MFSD8: variants seen among roughly 807,000 people sequenced by gnomAD.
MFSD8 encodes major facilitator superfamily domain containing 8, also known as major facilitator superfamily domain-containing protein 8.
MFSD8 carries 55 observed loss-of-function variants against 66.4 expected under a neutral mutation model. The observed-to-expected ratio is 0.83, with a 90% CI of 0.67 to 1.04. The LOEUF is 1.04. MFSD8 is among the 50% of genes least tolerant of loss of function. The pLI is 0.00. For missense variants in MFSD8, 550 were observed against 627.6 expected, an observed-to-expected ratio of 0.88 and a Z score of 1.32; for synonymous variants, 202 against 212.8, an observed-to-expected ratio of 0.95 and a Z score of 0.44.
At chr4:127,933,234 A>T in intron 7 of MFSD8, 141 bp from the exon 8 acceptor site, 2 of 653,354 alleles carry the variant, frequency 3.1e-6, no homozygotes, top group Non-Finnish European at 5.3e-6. Context: ...TAGTTTAATA[A>T]TAAGAGAATT....
chr4:127,940,572 C>T (rs1318861196), intron 5 of MFSD8, among the ~76,000 whole-genome samples: 1 of 143,368 alleles, frequency 7.0e-6, no homozygotes, highest in Non-Finnish European at 1.5e-5. Flanking sequence ...TATCATTTGA[C>T]CATAGTATTA....
chr4:127,952,741 G>A lies in MFSD8; in HGVS notation c.155-2894C>T, dbSNP rs146282745. 8.3e-4 allele frequency among the ~76,000 whole-genome samples: 125 copies of A among 151,394 alleles called. No homozygotes were observed. In the Middle Eastern group the frequency reaches 0.01, roughly 13 times the overall value. Reference sequence around the variant, plus strand: ...AAAAATTAGCTGGGCGTGGTGGCAGGCACCTGTAGTCTCATCTATTCAGGA... The same window carrying A: ...AAAAATTAGCTGGGCGTGGTGGCAGACACCTGTAGTCTCATCTATTCAGGA... On this transcript the variant is annotated intron_variant, in intron 2 of 11. Transcript: ENST00000641686.
chr4:127,924,656 C>G (rs1736896459), intron 9 of MFSD8, among the ~76,000 whole-genome samples: 2 of 152,108 alleles, frequency 1.3e-5, no homozygotes, highest in South Asian at 4.1e-4. Flanking sequence ...GTGAAAATGG[C>G]CATACTGTCC....
At chr4:127,925,115 A>T (rs1736975796) in intron 9 of MFSD8, among the ~76,000 whole-genome samples, 1 of 152,150 alleles carries the variant, frequency 6.6e-6, no homozygotes, top group Non-Finnish European at 1.5e-5. Context: ...AGACTTAAAC[A>T]TAGGACCTAA....
chr4:127,960,527 A>G (rs1437837614), intron 1 of MFSD8, among the ~76,000 whole-genome samples: 1 of 151,588 alleles, frequency 6.6e-6, no homozygotes, highest in Non-Finnish European at 1.5e-5. Flanking sequence ...GTCTGTCTCA[A>G]AAAAATAAAT....
chr4:127,930,791 A>G lies in MFSD8; in HGVS notation c.890T>C (p.Met297Thr), dbSNP rs1560732655. Reference protein sequence around the residue: ...ETIITPLTMDMYAWTQEQAVL... With the variant: ...ETIITPLTMDTYAWTQEQAVL... Reference sequence around the variant, plus strand: ...AGCTTGTTCTTGAGTCCAGGCATACATATCCATTGTTAATGGAGTAATGAT... The same window carrying G: ...AGCTTGTTCTTGAGTCCAGGCATACGTATCCATTGTTAATGGAGTAATGAT... Residue 297 changes from methionine (M) to threonine (T), a missense_variant, in exon 9 of 12, where the codon ATG (methionine) becomes ACG (threonine). Met to Thr is a moderately conservative substitution (Grantham distance 81). Coordinates refer to ENST00000641686, the MANE Select transcript of MFSD8 (RefSeq NM_001371596.2). 10 of 1,612,032 alleles carry G rather than the reference A, an allele frequency of 6.2e-6. No homozygotes were observed. The South Asian group carries it at 7.8e-5, about 13-fold the overall frequency.
At chr4:127,959,203 T>C (rs73847081) in intron 1 of MFSD8, among the ~76,000 whole-genome samples, 2,997 of 152,312 alleles carry the variant, frequency 0.02, 90 homozygotes, top group African/African-American at 0.067. Context: ...GGATCTATTT[T>C]GAAATAAACA....
chr4:127,951,971 G>A (rs1004989377), intron 2 of MFSD8, among the ~76,000 whole-genome samples: 6 of 151,748 alleles, frequency 4.0e-5, no homozygotes, highest in African/African-American at 1.5e-4. Context: ...CTTGCAATCC[G>A]CCTGCCTCGG....
chr4:127,946,206 C>T (rs1232959946), intron 3 of MFSD8, among the ~76,000 whole-genome samples: 2 of 152,036 alleles, frequency 1.3e-5, no homozygotes, highest in Non-Finnish European at 2.9e-5. Context: ...ATTACAGGCA[C>T]GTGAGTCACA....
Position 127,954,116 on chromosome 4 carries a change from A to G in MFSD8, c.154+3385T>C, listed in dbSNP as rs569737757. On this transcript the variant is annotated intron_variant, in intron 2 of 11. Transcript: ENST00000641686. ...AACTATCACAATATTGATCATTCCT[A>G]TATATTCTCATCCCATCCTTTTAAC... is the stretch of plus-strand genomic sequence containing the variant. Among the ~76,000 whole-genome samples the G allele has an allele frequency of 2.0e-5, 3 of 152,292 alleles. No individual in the cohort carries two copies. The South Asian group carries it at 6.2e-4, about 32-fold the overall frequency.
chr4:127,940,215 A>G (rs1322969953), intron 5 of MFSD8, among the ~76,000 whole-genome samples: 4 of 152,094 alleles, frequency 2.6e-5, no homozygotes, highest in South Asian at 2.1e-4. Flanking sequence ...ATGGTACATA[A>G]AAGATATATG....
chr4:127,933,481 C>T, intron 7 of MFSD8: 1 of 171,036 alleles, frequency 5.8e-6, no homozygotes, highest in Non-Finnish European at 1.3e-5. Flanking sequence ...TGAGCTCAAC[C>T]AGTCCGCCCG....
chr4:127,928,418 C>A lies in MFSD8; in HGVS notation c.998+2265G>T, dbSNP rs575370232. Reference sequence around the variant, plus strand: ...ACAGGCATGAGCCACTGCACCAGGCCCTCAAAATGATTCTTTTAAACAGTG... The same window carrying A: ...ACAGGCATGAGCCACTGCACCAGGCACTCAAAATGATTCTTTTAAACAGTG... On this transcript the variant is annotated intron_variant, in intron 9 of 11. Coordinates refer to ENST00000641686, the MANE Select transcript of MFSD8 (RefSeq NM_001371596.2). Among the ~76,000 whole-genome samples, 15 of 152,102 alleles carry A rather than the reference C, an allele frequency of 9.9e-5. 1 individual carries two copies. In the East Asian group the frequency reaches 2.7e-3, roughly 27 times the overall value.
At chr4:127,962,265 C>T (rs1743910625) in intron 1 of MFSD8, among the ~76,000 whole-genome samples, 1 of 152,008 alleles carries the variant, frequency 6.6e-6, no homozygotes, top group Admixed American at 6.6e-5. Context: ...GTCAGGAGTT[C>T]CAGATCAGCC....
chr4:127,944,047 T>C (rs1237460289), intron 3 of MFSD8, 55 bp from the exon 4 acceptor site: 2 of 1,608,946 alleles, frequency 1.2e-6, no homozygotes, highest in East Asian at 2.2e-5. Flanking sequence ...AGTTTAAAAC[T>C]AAATACATTT....
chr4:127,931,494 A>C (rs1738120355), intron 8 of MFSD8, among the ~76,000 whole-genome samples: 1 of 152,104 alleles, frequency 6.6e-6, no homozygotes, highest in African/African-American at 2.4e-5. Flanking sequence ...AGTAGCTGGG[A>C]CTAAAGGCGC....
At chr4:127,947,900 T>A (rs11942770) in intron 3 of MFSD8, among the ~76,000 whole-genome samples, 74,803 of 134,878 alleles carry the variant, frequency 0.55, 20,331 homozygotes, top group Middle Eastern at 0.78. Context: ...ACACACACAC[T>A]CTCTCTCCAA....
At chr4:127,940,280 G>A (rs771039907) in intron 5 of MFSD8, among the ~76,000 whole-genome samples, 4 of 151,556 alleles carry the variant, frequency 2.6e-5, no homozygotes, top group Admixed American at 6.6e-5. Context: ...AAAAAATACC[G>A]AAAAAGGCTC....
At chr4:127,953,554 T>TG (rs1742377740) in intron 2 of MFSD8, among the ~76,000 whole-genome samples, 1 of 136,596 alleles carries the variant, frequency 7.3e-6, no homozygotes, top group Non-Finnish European at 1.6e-5. Flanking sequence ...TTTTTTTTTT[T>TG]TTTTTTTTTT....
Sources: gnomAD v4.1 joint callset for allele counts (sites outside exome capture counted in the v4.1 genomes callset) on GRCh38, gnomAD v4.1.1 for gene constraint, MANE v1.5 for transcripts, NCBI Gene and HGNC (gene_info 2026-07-23, HGNC 2026-07-21) for gene names.